The following APH1B variants were observed in gnomAD, a reference collection of about 807,000 sequenced individuals.
APH1B encodes the protein gamma-secretase subunit APH-1B.
A neutral mutation model predicts 28.2 loss-of-function variants in APH1B; 27 were observed. That is an observed-to-expected ratio of 0.96 (90% CI 0.70 to 1.32). The LOEUF is 1.32. Among genes scored for constraint, APH1B ranks in the 40% most tolerant of loss-of-function variants. The pLI, the probability that APH1B is intolerant of heterozygous loss-of-function variation, is 0.00. For synonymous variants in APH1B, 141 were observed against 124.6 expected, an observed-to-expected ratio of 1.13 and a Z score of -0.88; for missense variants, 305 against 313.6, an observed-to-expected ratio of 0.97 and a Z score of 0.21.
intron 3 of APH1B, chr15:63,287,216 C>T: frequency 1.8e-6 from 1 of 562,236 alleles, no homozygotes; most frequent in Non-Finnish European, 3.1e-6. Context: ...CTGCTGCATT[C>T]TGCCATTCAT....
Position 63,306,658 on chromosome 15 carries a change from T to C in APH1B, c.*877T>C, listed in dbSNP as rs1444755514. 1.3e-5 allele frequency: 2 copies of C among 152,224 alleles called. No individual in the cohort carries two copies. Among genetic ancestry groups the C allele is most frequent in the African/African-American group, 4.8e-5 (2 of 41,448 alleles). 9.4% of individuals were successfully genotyped at this position (152,224 alleles called of 1,614,324 possible). ...CTAGTTGAGGTGAAGTGCATTGTTTTCTCTCTGAGCAGCTGTGCGGGGAGC... is the reference window on the plus strand; with the variant it reads ...CTAGTTGAGGTGAAGTGCATTGTTTCCTCTCTGAGCAGCTGTGCGGGGAGC... On this transcript the variant is annotated 3_prime_UTR_variant, in exon 6 of 6. Coordinates refer to ENST00000261879, the MANE Select transcript of APH1B (RefSeq NM_031301.4).
At chr15:63,286,533 A>G in intron 2 of APH1B, 25 bp from the exon 3 acceptor site, 2 of 1,429,978 alleles carry the variant, frequency 1.4e-6, no homozygotes, top group Non-Finnish European at 1.9e-6. Context: ...TTTTCTTCTT[A>G]ATTACATGTG....
Position 63,308,925 on chromosome 15 carries a change from A to G in APH1B, c.*3144A>G. ...TTGCAGTGTTTGTTTCTTATTTAAT[A>G]GGCTTTTTACTTCATTCTATTAAAT... On this transcript the variant is annotated 3_prime_UTR_variant, in exon 6 of 6. Coordinates refer to ENST00000261879, the MANE Select transcript of APH1B (RefSeq NM_031301.4). 1 of 152,322 alleles carries G rather than the reference A, an allele frequency of 6.6e-6. No homozygotes were observed. The highest frequency in any genetic ancestry group is 1.9e-4 in the East Asian group (1 of 5,190). The allele number at this position is 152,322 out of a possible 1,614,324, so 9.4% of individuals were successfully genotyped here.
intron 1 of APH1B, chr15:63,278,340 CCTT>C (rs1394661774): frequency 2.2e-6 from 1 of 456,624 alleles, no homozygotes; most frequent in Admixed American, 2.3e-5. Context: ...CTGTGCGTCT[CCTT>C]CTGGGAGCTT....
chr15:63,281,145 C>A (rs1325139464), intron 2 of APH1B, among the ~76,000 whole-genome samples: 1 of 151,438 alleles, frequency 6.6e-6, no homozygotes, highest in African/African-American at 2.4e-5. Context: ...AAAAAAAAAA[C>A]AAACAAGCAA....
intron 4 of APH1B, among the ~76,000 whole-genome samples, chr15:63,294,109 A>G (rs886065285): frequency 1.4e-5 from 2 of 147,516 alleles, no homozygotes; most frequent in African/African-American, 2.5e-5. Context: ...TTTCACAGAC[A>G]TTTTTTTTTT....
rs767987680 is a variant in APH1B at position 63,277,705 on chromosome 15, G to A, written c.82G>A (p.Glu28Lys). The A allele has an allele frequency of 2.5e-6, 4 of 1,610,750 alleles. No homozygotes were observed. Among genetic ancestry groups the A allele is most frequent in the African/African-American group, 2.7e-5 (2 of 74,612 alleles). ...LALYVFTIAT[E>K]PLRIIFLIAG... ...CCTTTATGTCTTCACCATCGCCACC[G>A]AGCCGTTGCGTATCATCTTCCTCAT... is the stretch of plus-strand genomic sequence containing the variant. The change falls in exon 1 of 6, where the codon GAG becomes AAG. Residue 28 changes from glutamate to lysine, a missense_variant. Transcript: ENST00000261879.
At chr15:63,299,863 G>A (rs934891321) in intron 4 of APH1B, among the ~76,000 whole-genome samples, 5 of 151,834 alleles carry the variant, frequency 3.3e-5, no homozygotes, top group Non-Finnish European at 7.4e-5. Context: ...GCCAGAAAAC[G>A]GAGAAGGTGA....
chr15:63,301,471 A>G (rs1052724924), intron 4 of APH1B, among the ~76,000 whole-genome samples: 6 of 152,268 alleles, frequency 3.9e-5, no homozygotes, highest in East Asian at 1.9e-4. Flanking sequence ...TACACAGACA[A>G]CATACACACA....
At chr15:63,287,285 C>G (rs984202023) in intron 3 of APH1B, 139 bp from the exon 4 acceptor site, 4 of 1,202,250 alleles carry the variant, frequency 3.3e-6, no homozygotes, top group African/African-American at 1.5e-5. Context: ...ACATGCCTCT[C>G]CAGAGCCAGC....
At chr15:63,282,442 G>A (rs12898755) in intron 2 of APH1B, among the ~76,000 whole-genome samples, 36,346 of 152,092 alleles carry the variant, frequency 0.24, 4,568 homozygotes, top group East Asian at 0.47. Flanking sequence ...TACTAATCTT[G>A]TTCTTACATG....
At chr15:63,300,952 T>A (rs1338262122) in intron 4 of APH1B, among the ~76,000 whole-genome samples, 1 of 152,250 alleles carries the variant, frequency 6.6e-6, no homozygotes, top group East Asian at 1.9e-4. Context: ...ACATATTTCA[T>A]TATTACAGAC....
chr15:63,300,598 C>T (rs1290498526), intron 4 of APH1B, among the ~76,000 whole-genome samples: 2 of 152,172 alleles, frequency 1.3e-5, no homozygotes, highest in Non-Finnish European at 2.9e-5. Context: ...CCTCCTTTTC[C>T]GGGGTCATCA....
Position 63,277,617 on chromosome 15 carries a change from G to A in APH1B, c.-7G>A, listed in dbSNP as rs1187540826. 2.1e-6 allele frequency: 3 copies of A among 1,461,570 alleles called. No individual in the cohort carries two copies. The highest frequency in any genetic ancestry group is 2.7e-6 in the Non-Finnish European group (3 of 1,092,376). The allele number at this position is 1,461,570 out of a possible 1,614,324, so 90.5% of individuals were successfully genotyped here. A position where few individuals can be genotyped will look rare whatever the true frequency, so the allele number is the denominator to read the frequency against. ...AACGGGCCCCCGGGTCGGTTTCCGC[G>A]GTGGCCATGACTGCGGCCGTGTTCT... On this transcript the variant is annotated 5_prime_UTR_variant, in exon 1 of 6. Coordinates refer to ENST00000261879, the MANE Select transcript of APH1B (RefSeq NM_031301.4).
chr15:63,280,273 A>G (rs947916123), intron 2 of APH1B, among the ~76,000 whole-genome samples: 1 of 152,214 alleles, frequency 6.6e-6, no homozygotes, highest in Admixed American at 6.5e-5. Flanking sequence ...TCTAGGACTC[A>G]CGAGGACCTC....
chr15:63,295,323 A>G (rs958864240), intron 4 of APH1B, among the ~76,000 whole-genome samples: 1 of 152,338 alleles, frequency 6.6e-6, no homozygotes, highest in African/African-American at 2.4e-5. Flanking sequence ...CAGGTCCCCC[A>G]TTAGGGGATT....
Position 63,305,818 on chromosome 15 carries a change from A to C in APH1B, c.*37A>C, listed in dbSNP as rs369054165. The C allele has an allele frequency of 1.9e-6, 3 of 1,586,090 alleles. No homozygotes were observed. The African/African-American group carries it at 4.1e-5, about 22-fold the overall frequency. ...CAGCACTTCCCAAACCGCAGACTAC[A>C]TCTTTAGAGGAAGCACAACTGTGCC... is the stretch of plus-strand genomic sequence containing the variant. On this transcript the variant is annotated 3_prime_UTR_variant, in exon 6 of 6. Transcript: ENST00000261879.
chr15:63,291,241 TC>T (rs1279344892), intron 4 of APH1B, among the ~76,000 whole-genome samples: 1 of 152,218 alleles, frequency 6.6e-6, no homozygotes, highest in Admixed American at 6.5e-5. Flanking sequence ...AGATAATTTT[TC>T]TAGTATTATA....
At chr15:63,302,315 G>T (rs1284619065) in intron 4 of APH1B, 30 bp from the exon 5 acceptor site, 29 of 1,611,304 alleles carry the variant, frequency 1.8e-5, no homozygotes, top group Non-Finnish European at 2.3e-5. Context: ...ATACCTGTAG[G>T]AGTGACACTA....
Sources: gnomAD v4.1 joint callset for allele counts (sites outside exome capture counted in the v4.1 genomes callset) on GRCh38, gnomAD v4.1.1 for gene constraint, MANE v1.5 for transcripts, NCBI Gene and HGNC (gene_info 2026-07-23, HGNC 2026-07-21) for gene names.